The following CPAMD8 variants were observed in gnomAD, a reference collection of about 807,000 sequenced individuals.
The protein encoded by CPAMD8 is C3 and PZP-like alpha-2-macroglobulin domain-containing protein 8.
A neutral mutation model predicts 224.7 loss-of-function variants in CPAMD8; 146 were observed. The observed-to-expected ratio is 0.65, with a 90% CI of 0.57 to 0.75. The LOEUF is 0.75. Among genes scored for constraint, CPAMD8 ranks in the 30% least tolerant of loss-of-function variants. CPAMD8 has a pLI of 0.00. For missense variants in CPAMD8, 2,301 were observed against 2,537.5 expected (o/e 0.91, Z 2.00); for synonymous variants, 966 against 1,044.6 (o/e 0.92, Z 1.45).
chr19:17,008,373 C>G, intron 7 of CPAMD8, 132 bp downstream of exon 7: 1 of 1,182,914 alleles, frequency 8.5e-7, no homozygotes. Context: ...CTGCCCTCCG[C>G]TCCTCCTTGG....
chr19:16,939,000 A>G (rs2053788699), intron 22 of CPAMD8, among the ~76,000 whole-genome samples: 1 of 152,056 alleles, frequency 6.6e-6, no homozygotes, highest in Admixed American at 6.6e-5. Flanking sequence ...TTAAAAAGGG[A>G]TGCCCAGAAT....
chr19:16,921,998 G>A lies in CPAMD8; in HGVS notation c.3548-12C>T, dbSNP rs1444651112. 1 of 1,541,576 alleles carries A rather than the reference G, an allele frequency of 6.5e-7. No individual in the cohort carries two copies. Among genetic ancestry groups the A allele is most frequent in the Non-Finnish European group, 8.8e-7 (1 of 1,141,926 alleles). Reference sequence around the variant, plus strand: ...CTGGCGCTGGTAGCCTGTGGGGCAAGCAGAGAGGACCCTGTCCTGTTGAGT... The same window carrying A: ...CTGGCGCTGGTAGCCTGTGGGGCAAACAGAGAGGACCCTGTCCTGTTGAGT... On this transcript the variant is annotated splice_polypyrimidine_tract_variant and intron_variant, in intron 26 of 41. Coordinates refer to ENST00000443236, the MANE Select transcript of CPAMD8 (RefSeq NM_015692.5).
In CPAMD8 at chr19:16,903,698, G is replaced by A. The variant is rs951578148; in HGVS notation, c.4407+4C>T. 5.6e-6 allele frequency: 9 copies of A among 1,614,042 alleles called. No individual in the cohort carries two copies. Among genetic ancestry groups the A allele is most frequent in the East Asian group, 4.5e-5 (2 of 44,876 alleles). On this transcript the variant is annotated splice_donor_region_variant and intron_variant, in intron 33 of 41. Coordinates refer to ENST00000443236, the MANE Select transcript of CPAMD8 (RefSeq NM_015692.5). Reference sequence around the variant, plus strand: ...CCCCAAACCCTCATCCCAGGAACACGCACCGCTGCTGTCTGCAGAACCTTC... The same window carrying A: ...CCCCAAACCCTCATCCCAGGAACACACACCGCTGCTGTCTGCAGAACCTTC...
intron 22 of CPAMD8, among the ~76,000 whole-genome samples, chr19:16,939,164 T>G (rs1051209200): frequency 1.1e-4 from 14 of 127,190 alleles, no homozygotes; most frequent in African/African-American, 4.2e-4. Flanking sequence ...TTTATTTATT[T>G]ATTTATTTAT....
At chr19:17,006,084 T>C (rs1332856623) in intron 7 of CPAMD8, among the ~76,000 whole-genome samples, 1 of 152,078 alleles carries the variant, frequency 6.6e-6, no homozygotes, top group East Asian at 1.9e-4. Context: ...TGCCTCAGCT[T>C]CCTGAGTAGC....
intron 18 of CPAMD8, among the ~76,000 whole-genome samples, chr19:16,969,926 ATAT>A (rs2054992531): frequency 6.6e-6 from 1 of 150,810 alleles, no homozygotes; most frequent in East Asian, 1.9e-4. Context: ...GCAGTTGTTA[ATAT>A]TATACTTTAA....
Position 16,936,088 on chromosome 19 carries a change from C to A in CPAMD8, c.2845+2307G>T, listed in dbSNP as rs572551198. 2.7e-4 allele frequency among the ~76,000 whole-genome samples: 41 copies of A among 151,572 alleles called. No individual in the cohort carries two copies. The South Asian group carries it at 5.6e-3, about 21-fold the overall frequency. ...GACTACAGGCACAAGCCACCATGCCCAGCTAATATTTTGTATTTTTGTAGA... is the reference window on the plus strand; with the variant it reads ...GACTACAGGCACAAGCCACCATGCCAAGCTAATATTTTGTATTTTTGTAGA... On this transcript the variant is annotated intron_variant, in intron 23 of 41. Transcript: ENST00000443236.
At chr19:16,987,585 A>G (rs1304669067) in intron 13 of CPAMD8, among the ~76,000 whole-genome samples, 1 of 152,170 alleles carries the variant, frequency 6.6e-6, no homozygotes, top group Non-Finnish European at 1.5e-5. Context: ...AATACAGTAT[A>G]TCATGCATAG....
chr19:16,993,113 C>G (rs111811968), intron 12 of CPAMD8, among the ~76,000 whole-genome samples: 2,624 of 152,298 alleles, frequency 0.017, 76 homozygotes, highest in African/African-American at 0.059. Flanking sequence ...AACCTGCACC[C>G]AGGCTGTTCC....
chr19:17,013,446 G>A (rs1175842063), intron 3 of CPAMD8: 1 of 151,418 alleles, frequency 6.6e-6, no homozygotes, highest in Non-Finnish European at 1.5e-5. Flanking sequence ...GGGAGGCAGA[G>A]GTTGCCATGA....
At chr19:16,895,498 G>A (rs1351848061) in intron 41 of CPAMD8, 7 of 190,520 alleles carry the variant, frequency 3.7e-5, no homozygotes, top group Non-Finnish European at 6.7e-5. Flanking sequence ...CGGGTAGGGG[G>A]AAAATGGCTT....
intron 13 of CPAMD8, among the ~76,000 whole-genome samples, chr19:16,986,190 G>A (rs184571817): frequency 6.6e-6 from 1 of 152,230 alleles, no homozygotes; most frequent in East Asian, 1.9e-4. Context: ...CCGGGGCCCT[G>A]GCGCTAGAAG....
At chr19:16,923,124 C>T (rs1028571328) in intron 26 of CPAMD8, among the ~76,000 whole-genome samples, 17 of 152,154 alleles carry the variant, frequency 1.1e-4, no homozygotes, top group African/African-American at 4.1e-4. Flanking sequence ...GAGCAGGGAA[C>T]GAGGGGGTGA....
rs2055477953 is a variant in CPAMD8 at position 16,980,628 on chromosome 19, T to C, written c.1454A>G (p.Tyr485Cys). Reference protein sequence around the residue: ...KSTCPCNFTLYYEVAARGNIV... With the variant: ...KSTCPCNFTLCYEVAARGNIV... ...ATTGCCCCGTGCAGCCACCTCGTAG[T>C]ACAGGGTAAAGTTGCAGGGACATGT... The change falls in exon 14 of 42, where the codon TAC becomes TGC. Residue 485 changes from tyrosine to cysteine, a missense_variant. This residue lies in a region of CPAMD8 where 301 missense variants were observed against 406.6 expected (regional missense o/e 0.74). Coordinates refer to ENST00000443236, the MANE Select transcript of CPAMD8 (RefSeq NM_015692.5). 1 of 1,604,506 alleles carries C rather than the reference T, an allele frequency of 6.2e-7. No individual in the cohort carries two copies.
At chr19:16,940,288 T>G (rs2053843666) in intron 22 of CPAMD8, among the ~76,000 whole-genome samples, 1 of 152,212 alleles carries the variant, frequency 6.6e-6, no homozygotes, top group South Asian at 2.1e-4. Context: ...TACCTTATGA[T>G]AAACCTATCC....
chr19:16,973,490 A>C (rs2055137364), intron 17 of CPAMD8, among the ~76,000 whole-genome samples: 1 of 151,884 alleles, frequency 6.6e-6, no homozygotes, highest in Admixed American at 6.6e-5. Flanking sequence ...CTGGGATTAC[A>C]GGCGCCCACC....
intron 3 of CPAMD8, among the ~76,000 whole-genome samples, chr19:17,016,896 T>C (rs1372122459): frequency 1.3e-5 from 2 of 151,744 alleles, no homozygotes; most frequent in East Asian, 3.9e-4. Context: ...GTCTTTTTTT[T>C]TTTTTCTTTT....
At chr19:16,985,366 G>GGATGGAT (rs1568564010) in intron 13 of CPAMD8, among the ~76,000 whole-genome samples, 1,277 of 71,110 alleles carry the variant, frequency 0.018, 16 homozygotes, top group African/African-American at 0.12. Context: ...GATGGATGGA[G>GGATGGAT]GGTAGATAAA....
intron 13 of CPAMD8, among the ~76,000 whole-genome samples, chr19:16,985,231 T>G (rs536702665): frequency 9.9e-5 from 15 of 151,994 alleles, no homozygotes; most frequent in Non-Finnish European, 7.4e-5. Flanking sequence ...GATGGATGGA[T>G]GGATGAAGGG....
Sources: allele counts gnomAD v4.1 joint callset (sites outside exome capture counted in the v4.1 genomes callset), GRCh38; gene constraint gnomAD v4.1.1; regional missense constraint gnomAD v4.1.1; transcripts MANE v1.5; gene names NCBI Gene and HGNC (gene_info 2026-07-23, HGNC 2026-07-21).